GALNT10: variants seen among roughly 807,000 people sequenced by gnomAD.
GALNT10 encodes the protein GalNAc transferase 10.
A neutral mutation model predicts 75.0 loss-of-function variants in GALNT10; 41 were observed. The observed-to-expected ratio is 0.55, with a 90% CI of 0.43 to 0.71. The LOEUF (loss-of-function observed/expected upper bound fraction) is 0.71. Ranked by LOEUF, GALNT10 falls within the 30% of genes least tolerant of loss-of-function variation. The pLI, the probability that GALNT10 is intolerant of heterozygous loss-of-function variation, is 0.00. For missense variants in GALNT10, 727 were observed against 818.5 expected (o/e 0.89, Z 1.36); for synonymous variants, 302 against 313.0 (o/e 0.96, Z 0.37).
intron 1 of GALNT10, among the ~76,000 whole-genome samples, chr5:154,243,792 T>C (rs1330788413): frequency 6.6e-6 from 1 of 152,260 alleles, no homozygotes; most frequent in East Asian, 1.9e-4. Flanking sequence ...TTCAAGAAGT[T>C]GCTAGGGGAG....
At chr5:154,310,157 A>T (rs1322606997) in intron 3 of GALNT10, among the ~76,000 whole-genome samples, 1 of 152,086 alleles carries the variant, frequency 6.6e-6, no homozygotes, top group African/African-American at 2.4e-5. Flanking sequence ...TAGAATAGAG[A>T]CAGGCTTCAA....
intron 5 of GALNT10, among the ~76,000 whole-genome samples, chr5:154,379,409 A>C (rs1443716562): frequency 6.6e-6 from 1 of 152,198 alleles, no homozygotes; most frequent in Non-Finnish European, 1.5e-5. Context: ...TGGAAGAAAA[A>C]TGTGCTATCA....
chr5:154,367,727 G>A (rs773344270), intron 4 of GALNT10, among the ~76,000 whole-genome samples: 16 of 151,890 alleles, frequency 1.1e-4, no homozygotes, highest in African/African-American at 1.4e-4. Flanking sequence ...GAGTGGTGGC[G>A]GGCACCTGTA....
At chr5:154,344,434 T>C (rs1755088799) in intron 4 of GALNT10, among the ~76,000 whole-genome samples, 1 of 152,014 alleles carries the variant, frequency 6.6e-6, no homozygotes, top group Admixed American at 6.6e-5. Context: ...ATGGTCTCGA[T>C]CTCCTGACCT....
intron 1 of GALNT10, among the ~76,000 whole-genome samples, chr5:154,232,661 C>A (rs997308839): frequency 6.6e-6 from 1 of 152,148 alleles, no homozygotes; most frequent in Non-Finnish European, 1.5e-5. Flanking sequence ...GAATGTCCAG[C>A]CAGCAGGCTC....
intron 3 of GALNT10, among the ~76,000 whole-genome samples, chr5:154,305,366 A>C (rs995440565): frequency 6.6e-6 from 1 of 152,158 alleles, no homozygotes; most frequent in Non-Finnish European, 1.5e-5. Context: ...GACCATATCA[A>C]TAATCACATT....
chr5:154,257,110 A>G (rs972644075), intron 1 of GALNT10, among the ~76,000 whole-genome samples: 8 of 152,092 alleles, frequency 5.3e-5, no homozygotes, highest in African/African-American at 1.7e-4. Context: ...CCCCGTCTCC[A>G]AAAAAATAAA....
chr5:154,271,936 C>T (rs531920001), intron 1 of GALNT10, among the ~76,000 whole-genome samples: 13 of 152,336 alleles, frequency 8.5e-5, no homozygotes, highest in South Asian at 2.1e-4. Context: ...AGGCCCTTCA[C>T]GTATGAGACA....
At chr5:154,191,722 G>C (rs1454546005) in intron 1 of GALNT10, among the ~76,000 whole-genome samples, 2 of 152,256 alleles carry the variant, frequency 1.3e-5, no homozygotes, top group South Asian at 4.1e-4. Flanking sequence ...TGGGAGTCCA[G>C]AGGTGGGGCT....
chr5:154,389,572 A>G (rs1326199360), intron 7 of GALNT10: 2 of 148,912 alleles, frequency 1.3e-5, no homozygotes, highest in Non-Finnish European at 3.0e-5. Context: ...ACAAAGCGAG[A>G]CTCCATGTCA....
chr5:154,351,197 T>C (rs1755200213), intron 4 of GALNT10, among the ~76,000 whole-genome samples: 1 of 152,242 alleles, frequency 6.6e-6, no homozygotes, highest in Non-Finnish European at 1.5e-5. Flanking sequence ...AAGAAAATAA[T>C]GTTATTGTTA....
At chr5:154,225,316 T>G (rs532054389) in intron 1 of GALNT10, among the ~76,000 whole-genome samples, 1 of 151,530 alleles carries the variant, frequency 6.6e-6, no homozygotes, top group South Asian at 2.1e-4. Context: ...ATCGTCTCGA[T>G]CTCCTGACCT....
In GALNT10 at chr5:154,405,628, C is replaced by A. The variant is rs138021071; in HGVS notation, c.1164+1417C>A. The stretch of plus-strand genomic sequence containing the variant: ...CCATGGGGACACTCCAACTCCAGAC[C>A]AGGAGCAACCCTAAAGCATTCTTTT... On this transcript the variant is annotated intron_variant, in intron 8 of 11. Coordinates refer to ENST00000297107, the MANE Select transcript of GALNT10 (RefSeq NM_198321.4). Among the ~76,000 whole-genome samples the A allele has an allele frequency of 4.3e-4, 65 of 152,248 alleles. 3 individuals are homozygous for A. In the East Asian group the frequency reaches 0.012, roughly 28 times the overall value.
chr5:154,300,103 C>T (rs1414287910), intron 3 of GALNT10, among the ~76,000 whole-genome samples: 2 of 152,034 alleles, frequency 1.3e-5, no homozygotes, highest in South Asian at 2.1e-4. Context: ...CCCAAAGTGT[C>T]GGGATTGCAG....
At chr5:154,395,767 A>C (rs1231316743) in intron 7 of GALNT10, among the ~76,000 whole-genome samples, 1 of 152,224 alleles carries the variant, frequency 6.6e-6, no homozygotes, top group Non-Finnish European at 1.5e-5. Context: ...AGGCACAGTC[A>C]CCTGAGACGC....
chr5:154,291,368 T>C (rs1274817858), intron 1 of GALNT10, among the ~76,000 whole-genome samples: 2 of 152,154 alleles, frequency 1.3e-5, no homozygotes, highest in African/African-American at 4.8e-5. Context: ...CCCAGCAGCG[T>C]CAGCATCACC....
intron 1 of GALNT10, among the ~76,000 whole-genome samples, chr5:154,260,109 GC>G (rs1268964535): frequency 6.6e-6 from 1 of 152,110 alleles, no homozygotes; most frequent in Non-Finnish European, 1.5e-5. Flanking sequence ...GTGTGCAGGG[GC>G]CACTTTGGCC....
intron 4 of GALNT10, among the ~76,000 whole-genome samples, chr5:154,357,079 T>C (rs1755307552): frequency 6.6e-6 from 1 of 152,190 alleles, no homozygotes; most frequent in African/African-American, 2.4e-5. Flanking sequence ...ACAGATTTTT[T>C]TTGCTTTTAA....
intron 3 of GALNT10, among the ~76,000 whole-genome samples, chr5:154,306,014 T>A (rs1754428072): frequency 6.6e-6 from 1 of 152,094 alleles, no homozygotes; most frequent in South Asian, 2.1e-4. Context: ...CGAGACTCCA[T>A]CTCAGAAAAC....
Sources: allele counts gnomAD v4.1 joint callset (sites outside exome capture counted in the v4.1 genomes callset), GRCh38; gene constraint gnomAD v4.1.1; transcripts MANE v1.5; gene names NCBI Gene and HGNC (gene_info 2026-07-23, HGNC 2026-07-21).